NRF1: variants seen among roughly 807,000 people sequenced by gnomAD.
The protein encoded by NRF1 is nuclear respiratory factor 1.
Under a neutral mutation model 58.5 loss-of-function variants are expected in NRF1, and 5 were observed. The ratio of observed to expected loss-of-function variants is 0.09; its 90% CI spans 0.04 to 0.18. The LOEUF is 0.18. NRF1 is among the 10% of genes least tolerant of loss of function. The probability of loss-of-function intolerance (pLI) is 1.00; values close to 1 mark genes in which losing one functional copy is unlikely to be tolerated. For missense variants in NRF1, 288 were observed against 657.7 expected (o/e 0.44, Z 6.15); for synonymous variants, 224 against 246.7 (o/e 0.91, Z 0.86).
At chr7:129,738,851 A>G (rs1803783025) in intron 10 of NRF1, among the ~76,000 whole-genome samples, 1 of 152,218 alleles carries the variant, frequency 6.6e-6, no homozygotes, top group Non-Finnish European at 1.5e-5. Flanking sequence ...CCAGATCTCC[A>G]GTACTCTTTC....
At chr7:129,734,477 C>G (rs1357959704) in intron 10 of NRF1, among the ~76,000 whole-genome samples, 1 of 152,200 alleles carries the variant, frequency 6.6e-6, no homozygotes, top group African/African-American at 2.4e-5. Flanking sequence ...TTTCCCCACC[C>G]CTGCCAGAGG....
At chr7:129,661,998 T>A (rs1801793286) in intron 2 of NRF1, among the ~76,000 whole-genome samples, 1 of 150,728 alleles carries the variant, frequency 6.6e-6, no homozygotes, top group Non-Finnish European at 1.5e-5. Flanking sequence ...ATGTCTTACA[T>A]GGATAACAGC....
At chr7:129,713,169 T>C (rs1803115161) in intron 8 of NRF1, among the ~76,000 whole-genome samples, 1 of 148,610 alleles carries the variant, frequency 6.7e-6, no homozygotes, top group South Asian at 2.2e-4. Flanking sequence ...CGATCTCAGC[T>C]CACTGCAACC....
At chr7:129,752,540 G>A (rs1804143838) in intron 10 of NRF1, among the ~76,000 whole-genome samples, 2 of 152,154 alleles carry the variant, frequency 1.3e-5, no homozygotes, top group African/African-American at 4.8e-5. Context: ...TGTTTGAGAT[G>A]AGGGGAGTAA....
chr7:129,715,729 T>C (rs1327460434), intron 8 of NRF1, among the ~76,000 whole-genome samples: 2 of 152,122 alleles, frequency 1.3e-5, no homozygotes, highest in African/African-American at 2.4e-5. Flanking sequence ...TAAATCATGA[T>C]GTTTCTATAT....
chr7:129,639,013 A>G (rs1333941275), intron 1 of NRF1, among the ~76,000 whole-genome samples: 1 of 152,092 alleles, frequency 6.6e-6, no homozygotes, highest in Non-Finnish European at 1.5e-5. Context: ...TTAATTTTCT[A>G]AGTAATTCAA....
At chr7:129,744,936 T>TGGGG (rs140830308) in intron 10 of NRF1, among the ~76,000 whole-genome samples, 6,416 of 152,098 alleles carry the variant, frequency 0.042, 165 homozygotes, top group Middle Eastern at 0.12. Flanking sequence ...GACAGGCACA[T>TGGGG]GGGGGTTCAT....
chr7:129,727,873 C>A (rs1803485615), intron 10 of NRF1, among the ~76,000 whole-genome samples: 1 of 152,148 alleles, frequency 6.6e-6, no homozygotes, highest in Non-Finnish European at 1.5e-5. Flanking sequence ...TTATATGTAG[C>A]CTCACGAAGG....
At chr7:129,692,347 T>C (rs182954695) in intron 5 of NRF1, among the ~76,000 whole-genome samples, 1 of 152,230 alleles carries the variant, frequency 6.6e-6, no homozygotes, top group Admixed American at 6.5e-5. Flanking sequence ...AGGAGTTCGA[T>C]ATCAGCCTGG....
At chr7:129,695,768 G>C (rs902617876) in intron 5 of NRF1, among the ~76,000 whole-genome samples, 6 of 150,338 alleles carry the variant, frequency 4.0e-5, no homozygotes, top group Non-Finnish European at 8.9e-5. Context: ...TGTGTGTTTA[G>C]AACTTGGAGG....
chr7:129,705,534 G>T (rs1301626104), intron 5 of NRF1, among the ~76,000 whole-genome samples: 1 of 152,122 alleles, frequency 6.6e-6, no homozygotes, highest in East Asian at 1.9e-4. Context: ...CAGGCAGTCT[G>T]CTCTCCTTGA....
rs1053679350 is a variant in NRF1, at chr7:129,658,901, A to G, written c.223+1327A>G. Among the ~76,000 whole-genome samples, 3 of 152,198 alleles carry G rather than the reference A, an allele frequency of 2.0e-5. No individual in the cohort carries two copies. In the South Asian group the frequency reaches 6.2e-4, roughly 31 times the overall value. On this transcript the variant is annotated intron_variant, in intron 2 of 10. Transcript: ENST00000393232. ...ATTTGTATAGCATTTACACTGTATT[A>G]GGTATTATAATATTAGTATTAGTAA...
chr7:129,659,073 C>CTTTTTTTTTTTTTTT (rs780109640), intron 2 of NRF1, among the ~76,000 whole-genome samples: 1 of 88,184 alleles, frequency 1.1e-5, no homozygotes, highest in African/African-American at 5.0e-5. Context: ...CACCACAGGA[C>CTTTTTTTTTTTTTTT]TTTTTTTTTT....
intron 4 of NRF1, among the ~76,000 whole-genome samples, chr7:129,678,151 T>A (rs2151086709): frequency 6.6e-6 from 1 of 152,328 alleles, no homozygotes; most frequent in South Asian, 2.1e-4. Context: ...TTGATCAGTT[T>A]ATTTGAGTTA....
chr7:129,658,397 G>T (rs1219149706), intron 2 of NRF1, among the ~76,000 whole-genome samples: 1 of 152,018 alleles, frequency 6.6e-6, no homozygotes, highest in East Asian at 1.9e-4. Flanking sequence ...TTTGAGACCA[G>T]CCTGGGCAAT....
At chr7:129,654,422 C>A (rs1051479311) in intron 1 of NRF1, among the ~76,000 whole-genome samples, 3 of 152,060 alleles carry the variant, frequency 2.0e-5, no homozygotes, top group Non-Finnish European at 4.4e-5. Flanking sequence ...TCTTCTCATT[C>A]TTTTGGCAGT....
chr7:129,673,336 A>G (rs752645038), intron 3 of NRF1, among the ~76,000 whole-genome samples: 6 of 152,210 alleles, frequency 3.9e-5, no homozygotes, highest in Non-Finnish European at 8.8e-5. Flanking sequence ...TGCCCACCAC[A>G]TTTCAGAATT....
chr7:129,642,450 C>G (rs1178789090), intron 1 of NRF1, among the ~76,000 whole-genome samples: 1 of 152,070 alleles, frequency 6.6e-6, no homozygotes, highest in Non-Finnish European at 1.5e-5. Flanking sequence ...AGGGAATGCT[C>G]TGTAGACATT....
chr7:129,671,922 G>A (rs991061119), intron 3 of NRF1, among the ~76,000 whole-genome samples: 2 of 152,144 alleles, frequency 1.3e-5, no homozygotes, highest in African/African-American at 2.4e-5. Flanking sequence ...ATACAGTGGA[G>A]TAAGGAAAAT....
Sources: gnomAD v4.1 joint callset for allele counts (sites outside exome capture counted in the v4.1 genomes callset) on GRCh38, gnomAD v4.1.1 for gene constraint, MANE v1.5 for transcripts, NCBI Gene and HGNC (gene_info 2026-07-23, HGNC 2026-07-21) for gene names.